Variants in APLP2 observed in about 807,000 individuals in gnomAD.
The protein encoded by APLP2 is amyloid beta precursor like protein 2, also known as CDEI box-binding protein.
In APLP2, 53 loss-of-function variants were observed where a neutral mutation model predicts 89.9. The observed-to-expected ratio is 0.59, with a 90% confidence interval of 0.47 to 0.74. APLP2 has a LOEUF of 0.74. Among genes scored for constraint, APLP2 ranks in the 30% least tolerant of loss-of-function variants. The pLI, the probability that APLP2 is intolerant of heterozygous loss-of-function variation, is 0.00. For missense variants in APLP2, 973 were observed against 975.9 expected, an observed-to-expected ratio of 1.00 and a Z score of 0.04; for synonymous variants, 372 against 348.6, an observed-to-expected ratio of 1.07 and a Z score of -0.75.
intron 5 of APLP2, 119 bp downstream of exon 5, chr11:130,121,929 T>C: frequency 1.4e-6 from 2 of 1,436,450 alleles, no homozygotes; most frequent in Middle Eastern, 2.6e-4. Flanking sequence ...TTTGTTCTGC[T>C]AGAGTTGATT....
chr11:130,104,148 A>G (rs1947322442), intron 1 of APLP2, among the ~76,000 whole-genome samples: 1 of 150,310 alleles, frequency 6.7e-6, no homozygotes, highest in African/African-American at 2.5e-5. Context: ...TCGACACACA[A>G]TCCAAGTTTC....
chr11:130,076,845 G>A (rs143370152), intron 1 of APLP2, among the ~76,000 whole-genome samples: 94 of 152,312 alleles, frequency 6.2e-4, no homozygotes, highest in African/African-American at 2.2e-3. Context: ...AGGTGTCACT[G>A]GATAGAAGTG....
intron 1 of APLP2, among the ~76,000 whole-genome samples, chr11:130,090,706 C>A (rs1051849094): frequency 6.6e-6 from 1 of 152,238 alleles, no homozygotes; most frequent in African/African-American, 2.4e-5. Context: ...TCAATCCCTT[C>A]CCCACCTTTC....
At chr11:130,088,319 A>G (rs564340550) in intron 1 of APLP2, among the ~76,000 whole-genome samples, 239 of 152,342 alleles carry the variant, frequency 1.6e-3, no homozygotes, top group Non-Finnish European at 3.0e-3. Context: ...GGCTGCAAGC[A>G]CTGGTAAGGA....
intron 1 of APLP2, among the ~76,000 whole-genome samples, chr11:130,099,361 C>G (rs538120237): frequency 1.3e-5 from 2 of 152,154 alleles, no homozygotes; most frequent in African/African-American, 4.8e-5. Context: ...GAGTAGCACC[C>G]TATTTATGTT....
At chr11:130,081,410 A>G (rs1434649344) in intron 1 of APLP2, among the ~76,000 whole-genome samples, 1 of 152,236 alleles carries the variant, frequency 6.6e-6, no homozygotes, top group African/African-American at 2.4e-5. Context: ...TTGCAGTAGT[A>G]TTGAACTGTT....
chr11:130,072,889 C>T (rs1486610958), intron 1 of APLP2, among the ~76,000 whole-genome samples: 1 of 152,196 alleles, frequency 6.6e-6, no homozygotes, highest in African/African-American at 2.4e-5. Context: ...CATCTAAAGC[C>T]AGGCTTTCCC....
intron 12 of APLP2, 48 bp downstream of exon 12, chr11:130,133,776 G>A: frequency 7.0e-7 from 1 of 1,429,164 alleles, no homozygotes; most frequent in Admixed American, 1.7e-5. Flanking sequence ...TTCTTGCAGA[G>A]GCTCAGGAGT....
chr11:130,126,676 A>G lies in APLP2; in HGVS notation c.1091-24A>G, dbSNP rs199994195. 1.7e-5 allele frequency: 27 copies of G among 1,611,952 alleles called. No individual in the cohort carries two copies. In the East Asian group the frequency reaches 6.0e-4, roughly 36 times the overall value. ...CACAGTGCATCTGATCCCAAAGAGA[A>G]CTCCCTCTGTAATTTTGTTTCAGTT... On this transcript the variant is annotated intron_variant, in intron 7 of 16. Transcript: ENST00000338167.
intron 1 of APLP2, among the ~76,000 whole-genome samples, chr11:130,104,434 G>C (rs1303315970): frequency 6.6e-6 from 1 of 151,858 alleles, no homozygotes; most frequent in Non-Finnish European, 1.5e-5. Flanking sequence ...GGCCAGGCTG[G>C]TCTCGAGCTC....
At chr11:130,121,218 T>A (rs1426375159) in intron 4 of APLP2, among the ~76,000 whole-genome samples, 1 of 152,208 alleles carries the variant, frequency 6.6e-6, no homozygotes, top group Non-Finnish European at 1.5e-5. Flanking sequence ...CCCTTTCTTG[T>A]CTTCTGTAAT....
chr11:130,117,146 A>G (rs1190486257), intron 3 of APLP2, among the ~76,000 whole-genome samples: 1 of 152,086 alleles, frequency 6.6e-6, no homozygotes, highest in Admixed American at 6.6e-5. Context: ...AAAAAGTTAA[A>G]TTTTAGAATT....
chr11:130,121,627 A>G lies in APLP2; in HGVS notation c.530A>G (p.Gln177Arg), dbSNP rs767932698. ...GGTTTCTTTTAGGCATGTCTGACTC[A>G]GGGAATGACCTTATATAGCTACGGC... ...HTVVKEACLT[Q>R]GMTLYSYGML... The change falls in exon 5 of 17, where the codon CAG (glutamine) becomes CGG (arginine). Residue 177 changes from glutamine to arginine, a missense_variant. Coordinates refer to ENST00000338167, the MANE Select transcript of APLP2 (RefSeq NM_001142276.2). 19 of 1,612,846 alleles carry G rather than the reference A, an allele frequency of 1.2e-5. No homozygotes were observed. The highest frequency in any genetic ancestry group is 3.3e-5 in the Admixed American group (2 of 59,894).
intron 13 of APLP2, among the ~76,000 whole-genome samples, chr11:130,136,641 C>A (rs1430571116): frequency 5.9e-5 from 9 of 152,162 alleles, no homozygotes; most frequent in Non-Finnish European, 1.3e-4. Flanking sequence ...GCTTAGCCTT[C>A]AGACCTTAAT....
intron 3 of APLP2, among the ~76,000 whole-genome samples, chr11:130,111,577 G>T (rs770820354): frequency 2.6e-5 from 4 of 152,116 alleles, no homozygotes; most frequent in Non-Finnish European, 4.4e-5. Context: ...TCATTCTCAC[G>T]TGTAGCCAAG....
intron 1 of APLP2, among the ~76,000 whole-genome samples, chr11:130,075,251 G>A (rs572687778): frequency 6.6e-6 from 1 of 152,354 alleles, no homozygotes; most frequent in African/African-American, 2.4e-5. Context: ...CTGGGCTCAA[G>A]TGATCCTCCT....
At chr11:130,109,203 AAAAT>A (rs1350682195) in intron 1 of APLP2, 22 of 327,022 alleles carry the variant, frequency 6.7e-5, no homozygotes, top group African/African-American at 1.7e-4. Flanking sequence ...TATAATAAAT[AAAAT>A]AAATAAAAAA....
At chr11:130,116,348 T>A (rs1047642147) in intron 3 of APLP2, among the ~76,000 whole-genome samples, 1 of 152,216 alleles carries the variant, frequency 6.6e-6, no homozygotes, top group African/African-American at 2.4e-5. Context: ...CCCATACTAT[T>A]CTGTTGTATA....
chr11:130,082,481 G>C (rs1023167634), intron 1 of APLP2: 1 of 154,364 alleles, frequency 6.5e-6, no homozygotes, highest in Non-Finnish European at 1.4e-5. Context: ...ACCTCATCCG[G>C]TCTCAGTTTT....
Sources: allele counts gnomAD v4.1 joint callset (sites outside exome capture counted in the v4.1 genomes callset), GRCh38; gene constraint gnomAD v4.1.1; transcripts MANE v1.5; gene names NCBI Gene and HGNC (gene_info 2026-07-23, HGNC 2026-07-21).